Variants in FAM210A observed in about 807,000 individuals in gnomAD.
FAM210A encodes family with sequence similarity 210 member A.
FAM210A carries 13 observed loss-of-function variants against 25.3 expected under a neutral mutation model. The ratio of observed to expected loss-of-function variants is 0.51; its 90% confidence interval spans 0.33 to 0.82. The LOEUF is 0.82. Among genes scored for constraint, FAM210A ranks in the 40% least tolerant of loss-of-function variants. FAM210A has a pLI of 0.02. For synonymous variants in FAM210A, 125 were observed against 118.7 expected (o/e 1.05, Z -0.35); for missense variants, 319 against 323.2 (o/e 0.99, Z 0.10).
At chr18:13,701,031 T>C (rs2043735296) in intron 1 of FAM210A, among the ~76,000 whole-genome samples, 3 of 152,218 alleles carry the variant, frequency 2.0e-5, no homozygotes, top group African/African-American at 7.2e-5. Context: ...CTGCCTGATT[T>C]GCAAATCATT....
At chr18:13,711,922 C>G (rs1350393460) in intron 1 of FAM210A, among the ~76,000 whole-genome samples, 2 of 152,192 alleles carry the variant, frequency 1.3e-5, no homozygotes, top group Non-Finnish European at 1.5e-5. Context: ...AAAGCTGTAT[C>G]AAATTCAGCC....
chr18:13,704,111 C>G (rs1382559231), intron 1 of FAM210A, among the ~76,000 whole-genome samples: 2 of 151,970 alleles, frequency 1.3e-5, no homozygotes, highest in Non-Finnish European at 2.9e-5. Context: ...GTAAAAGCTG[C>G]TAAGAGTTAT....
chr18:13,677,039 GCTCC>G (rs2043509895), intron 2 of FAM210A, among the ~76,000 whole-genome samples: 1 of 151,512 alleles, frequency 6.6e-6, no homozygotes, highest in Admixed American at 6.6e-5. Context: ...AAAAAACTGA[GCTCC>G]CTGAGTGAGC....
chr18:13,702,748 T>A (rs978107824), intron 1 of FAM210A, among the ~76,000 whole-genome samples: 4 of 152,206 alleles, frequency 2.6e-5, no homozygotes, highest in Non-Finnish European at 5.9e-5. Flanking sequence ...CCGGGTCCAA[T>A]ACCTGGCTTA....
chr18:13,674,761 G>A (rs1369041120), intron 2 of FAM210A, among the ~76,000 whole-genome samples: 3 of 28,012 alleles, frequency 1.1e-4, no homozygotes, highest in African/African-American at 2.7e-4. Flanking sequence ...CCTGAGCCCC[G>A]ACTTTATTTC....
chr18:13,716,321 T>C (rs2043861137), intron 1 of FAM210A, among the ~76,000 whole-genome samples: 1 of 152,226 alleles, frequency 6.6e-6, no homozygotes, highest in African/African-American at 2.4e-5. Context: ...CTCAGGTAGC[T>C]GTCTACCAGA....
At chr18:13,694,004 T>C (rs922327485) in intron 1 of FAM210A, among the ~76,000 whole-genome samples, 21 of 152,184 alleles carry the variant, frequency 1.4e-4, no homozygotes, top group African/African-American at 5.1e-4. Context: ...GCCCAAAATC[T>C]CCTTAAACCT....
rs778698722 is a variant in FAM210A at position 13,666,452 on chromosome 18, A to AAATTCCT, written c.*27_*28insAGGAATT. On this transcript the variant is annotated 3_prime_UTR_variant, in exon 4 of 4. Coordinates refer to ENST00000651643, the MANE Select transcript of FAM210A (RefSeq NM_152352.4). The stretch of plus-strand genomic sequence containing the variant: ...AGTTTCCAAAGGGTTAAAGTGCAGG[A>AAATTCCT]ATTTTCTATACTGCTATATAAGGCA... 1.3e-6 allele frequency: 2 copies of AAATTCCT among 1,574,994 alleles called. No individual in the cohort carries two copies. Among genetic ancestry groups the AAATTCCT allele is most frequent in the East Asian group, 4.5e-5 (2 of 44,666 alleles).
chr18:13,721,137 A>C (rs996880048), intron 1 of FAM210A, among the ~76,000 whole-genome samples: 4 of 152,218 alleles, frequency 2.6e-5, no homozygotes, highest in Non-Finnish European at 4.4e-5. Context: ...AATTCAACTC[A>C]TAACAAGATC....
chr18:13,682,073 T>G lies in FAM210A; in HGVS notation c.5A>C (p.Gln2Pro). 6.3e-7 allele frequency: 1 copy of G among 1,575,920 alleles called. No homozygotes were observed. Among genetic ancestry groups the G allele is most frequent in the Non-Finnish European group, 8.6e-7 (1 of 1,161,514 alleles). The change falls in exon 2 of 4, where the codon CAA (glutamine) becomes CCA (proline). Residue 2 changes from glutamine to proline, a missense_variant. By Grantham distance (76) the Gln-to-Pro change is moderately conservative. Coordinates refer to ENST00000651643, the MANE Select transcript of FAM210A (RefSeq NM_152352.4). M[Q>P]WNVPRTVSRL... ...AGATACAGTCCGTGGTACATTCCAT[T>G]GCATTTTGAAGAGTGTTGATAGGTT...
intron 1 of FAM210A, among the ~76,000 whole-genome samples, chr18:13,683,273 A>C (rs2043570426): frequency 6.6e-6 from 1 of 152,242 alleles, no homozygotes; most frequent in Admixed American, 6.5e-5. Context: ...CAAGTTATAA[A>C]TCACTTACGT....
intron 1 of FAM210A, among the ~76,000 whole-genome samples, chr18:13,706,627 G>A (rs1041137487): frequency 7.9e-5 from 12 of 152,086 alleles, no homozygotes; most frequent in Admixed American, 3.9e-4. Context: ...CTTTTTTCAC[G>A]GTTTGGAATA....
intron 1 of FAM210A, among the ~76,000 whole-genome samples, chr18:13,716,136 G>C (rs2043860130): frequency 6.6e-6 from 1 of 152,154 alleles, no homozygotes; most frequent in African/African-American, 2.4e-5. Flanking sequence ...TACTGTATTA[G>C]ACAACATGGC....
chr18:13,671,214 G>A (rs117053580), intron 3 of FAM210A, among the ~76,000 whole-genome samples: 4,452 of 152,186 alleles, frequency 0.029, 78 homozygotes, highest in Middle Eastern at 0.061. Context: ...TCTCTGTACA[G>A]GGGAGCTTCT....
chr18:13,685,046 C>T (rs188601847), intron 1 of FAM210A, among the ~76,000 whole-genome samples: 61 of 152,264 alleles, frequency 4.0e-4, no homozygotes, highest in Admixed American at 3.2e-3. Flanking sequence ...TGGGATGCAG[C>T]AAAGCAGTGC....
At chr18:13,689,294 A>C (rs1014770166) in intron 1 of FAM210A, among the ~76,000 whole-genome samples, 1 of 152,146 alleles carries the variant, frequency 6.6e-6, no homozygotes, top group Non-Finnish European at 1.5e-5. Flanking sequence ...ATGGCCCAAT[A>C]AGCCTCCACT....
rs185034805 is a variant in FAM210A, at chr18:13,705,544, C to T, written c.-29+20785G>A. Among the ~76,000 whole-genome samples, 3 of 152,140 alleles carry T rather than the reference C, an allele frequency of 2.0e-5. No individual in the cohort carries two copies. In the East Asian group the frequency reaches 5.8e-4, roughly 29 times the overall value. ...TGGAGTGCAGTGGCATGATCTCGGC[C>T]CACTGCAACCTCTGCCTTCCGGGTT... is the stretch of plus-strand genomic sequence containing the variant. On this transcript the variant is annotated intron_variant, in intron 1 of 3. Coordinates refer to ENST00000651643, the MANE Select transcript of FAM210A (RefSeq NM_152352.4).
chr18:13,695,581 G>A (rs2043685203), intron 1 of FAM210A, among the ~76,000 whole-genome samples: 1 of 152,102 alleles, frequency 6.6e-6, no homozygotes, highest in Non-Finnish European at 1.5e-5. Context: ...GGATGAAGCT[G>A]GAAACCATCA....
rs144404296 is a variant in FAM210A, at chr18:13,673,466, C to T, written c.474-1493G>A. On this transcript the variant is annotated intron_variant, in intron 2 of 3. Coordinates refer to ENST00000651643, the MANE Select transcript of FAM210A (RefSeq NM_152352.4). ...GATTATTAACATTCCTGAACCCCGA[C>T]TTCTTTATTTCCAATTTCCTGATTA... 7.9e-5 allele frequency among the ~76,000 whole-genome samples: 12 copies of T among 151,422 alleles called. No individual in the cohort carries two copies. The East Asian group carries it at 2.3e-3, about 30-fold the overall frequency.
Sources: allele counts gnomAD v4.1 joint callset (sites outside exome capture counted in the v4.1 genomes callset), GRCh38; gene constraint gnomAD v4.1.1; transcripts MANE v1.5; gene names NCBI Gene and HGNC (gene_info 2026-07-23, HGNC 2026-07-21).